TPGS2: variants seen among roughly 807,000 people sequenced by gnomAD.
The protein encoded by TPGS2 is tubulin polyglutamylase complex subunit 2.
Under a neutral mutation model 31.1 loss-of-function variants are expected in TPGS2, and 26 were observed. The ratio of observed to expected loss-of-function variants is 0.84; its 90% confidence interval spans 0.61 to 1.16. TPGS2 has a LOEUF of 1.16. Ranked by LOEUF, TPGS2 falls within the 50% of genes most tolerant of loss-of-function variation. The probability of loss-of-function intolerance (pLI) is 0.00; values close to 1 mark genes in which losing one functional copy is unlikely to be tolerated. For missense variants in TPGS2, 351 were observed against 363.8 expected (o/e 0.96, Z 0.29); for synonymous variants, 130 against 136.6 (o/e 0.95, Z 0.34).
chr18:36,808,439 C>T (rs572845434), intron 2 of TPGS2, among the ~76,000 whole-genome samples: 1 of 152,022 alleles, frequency 6.6e-6, no homozygotes, highest in Non-Finnish European at 1.5e-5. Flanking sequence ...GAGATGGAGA[C>T]CATCTTGGCT....
At chr18:36,811,337 G>A (rs1238588299) in intron 2 of TPGS2, among the ~76,000 whole-genome samples, 2 of 152,180 alleles carry the variant, frequency 1.3e-5, no homozygotes, top group Admixed American at 1.3e-4. Context: ...TTGTTGAGTA[G>A]GGTATGAGAG....
At chr18:36,799,301 T>C (rs1450534239) in intron 5 of TPGS2, among the ~76,000 whole-genome samples, 1 of 152,148 alleles carries the variant, frequency 6.6e-6, no homozygotes, top group African/African-American at 2.4e-5. Context: ...CCCACTGTCT[T>C]CCACATTATG....
intron 6 of TPGS2, chr18:36,783,151 G>A (rs1343093545): frequency 5.0e-6 from 2 of 398,234 alleles, no homozygotes; most frequent in Non-Finnish European, 4.4e-6. Context: ...AAATCAATTT[G>A]CGTTGTTAAA....
chr18:36,818,831 T>C (rs932868849), intron 2 of TPGS2, 63 bp downstream of exon 2: 1 of 1,443,298 alleles, frequency 6.9e-7, no homozygotes, highest in Non-Finnish European at 9.6e-7. Context: ...AATCTTTCCT[T>C]CTCAGGGACA....
Position 36,794,338 on chromosome 18 carries a change from C to T in TPGS2, c.*2467G>A. 1.0e-6 allele frequency: 1 copy of T among 985,462 alleles called. No individual in the cohort carries two copies. Among genetic ancestry groups the T allele is most frequent in the Non-Finnish European group, 1.2e-6 (1 of 829,968 alleles). The allele number at this position is 985,462 out of a possible 1,614,324, so 61.0% of individuals were successfully genotyped here. On this transcript the variant is annotated 3_prime_UTR_variant, in exon 7 of 7. Coordinates refer to ENST00000334295, the MANE Select transcript of TPGS2 (RefSeq NM_015476.4). ...TCTTCCCTGCTCACTCCTTCTGAGG[C>T]AGGTCTTGAGCCTTTCCTTATCATA...
chr18:36,805,628 G>T, intron 3 of TPGS2, 126 bp from the exon 4 acceptor site: 2 of 1,300,202 alleles, frequency 1.5e-6, no homozygotes, highest in South Asian at 1.4e-5. Flanking sequence ...GAATCTGATG[G>T]AAGGTGGGAA....
At chr18:36,828,154 G>C (rs1372129717) in intron 1 of TPGS2, among the ~76,000 whole-genome samples, 1 of 152,142 alleles carries the variant, frequency 6.6e-6, no homozygotes, top group African/African-American at 2.4e-5. Flanking sequence ...GGCAACAAGA[G>C]CAAAACTCTG....
chr18:36,780,701 C>G (rs1004331801), downstream of TPGS2, among the ~76,000 whole-genome samples: 2 of 152,188 alleles, frequency 1.3e-5, no homozygotes, highest in African/African-American at 2.4e-5. Flanking sequence ...TGACTGAATA[C>G]TGTAGGCAGT....
At chr18:36,823,489 CTCGCTCTG>C in intron 1 of TPGS2, among the ~76,000 whole-genome samples, 1 of 86,730 alleles carries the variant, frequency 1.2e-5, no homozygotes, top group Non-Finnish European at 2.3e-5. Context: ...GAGACGGAGT[CTCGCTCTG>C]TCGCCCAGGC....
At chr18:36,799,794 A>G (rs772623409) in intron 5 of TPGS2, among the ~76,000 whole-genome samples, 9 of 152,078 alleles carry the variant, frequency 5.9e-5, no homozygotes, top group Non-Finnish European at 1.3e-4. Context: ...TTAATTTCCC[A>G]TCAGGGGTCT....
intron 2 of TPGS2, among the ~76,000 whole-genome samples, chr18:36,811,721 G>A (rs2045437435): frequency 6.6e-6 from 1 of 152,064 alleles, no homozygotes; most frequent in East Asian, 1.9e-4. Flanking sequence ...CCTTGGGAAG[G>A]CTCGACACTC....
intron 1 of TPGS2, among the ~76,000 whole-genome samples, chr18:36,826,482 G>A (rs1035998368): frequency 6.6e-6 from 1 of 150,982 alleles, no homozygotes; most frequent in Non-Finnish European, 1.5e-5. Context: ...CATGTCATCT[G>A]CAAACAGATA....
At chr18:36,784,064 C>G (rs982578773) in intron 6 of TPGS2, among the ~76,000 whole-genome samples, 1 of 152,162 alleles carries the variant, frequency 6.6e-6, no homozygotes, top group Non-Finnish European at 1.5e-5. Flanking sequence ...GGAATAGGTG[C>G]TGCCCTGGAG....
At chr18:36,800,771 C>G (rs1048253110) in intron 4 of TPGS2, among the ~76,000 whole-genome samples, 1 of 151,618 alleles carries the variant, frequency 6.6e-6, no homozygotes, top group Non-Finnish European at 1.5e-5. Context: ...CTCACTGCAA[C>G]CTCCACCTCC....
intron 4 of TPGS2, among the ~76,000 whole-genome samples, chr18:36,800,782 C>T (rs550698463): frequency 3.3e-5 from 5 of 152,096 alleles, no homozygotes; most frequent in South Asian, 2.1e-4. Context: ...CTCCACCTCC[C>T]GGGTTGAAGC....
chr18:36,798,702 A>T (rs1156828028), intron 5 of TPGS2, 93 bp from the exon 6 acceptor site: 4 of 1,493,724 alleles, frequency 2.7e-6, no homozygotes, highest in Non-Finnish European at 2.7e-6. Context: ...GCCTTAAAAA[A>T]AAATCCCAAC....
intron 1 of TPGS2, chr18:36,821,258 G>A (rs1256297496): frequency 1.3e-5 from 2 of 152,296 alleles, no homozygotes; most frequent in South Asian, 2.1e-4. Flanking sequence ...CTTTTGGAGA[G>A]AGAGGGCATA....
downstream of TPGS2, chr18:36,793,976 C>G (rs1205944902): frequency 6.6e-6 from 1 of 152,346 alleles, no homozygotes; most frequent in Non-Finnish European, 1.5e-5. Flanking sequence ...CTCCTGACCT[C>G]GTGATCCACC....
chr18:36,781,488 C>T (rs777340036), downstream of TPGS2, among the ~76,000 whole-genome samples: 10 of 152,178 alleles, frequency 6.6e-5, no homozygotes, highest in Admixed American at 3.9e-4. Flanking sequence ...CCTGTCTCTA[C>T]TAAAAATATA....
Sources: gnomAD v4.1 joint callset for allele counts (sites outside exome capture counted in the v4.1 genomes callset) on GRCh38, gnomAD v4.1.1 for gene constraint, MANE v1.5 for transcripts, NCBI Gene and HGNC (gene_info 2026-07-23, HGNC 2026-07-21) for gene names.